Variants in SIM2 observed in about 807,000 individuals in gnomAD.
The protein encoded by SIM2 is single-minded homolog 2.
A neutral mutation model predicts 64.8 loss-of-function variants in SIM2; 28 were observed. The ratio of observed to expected loss-of-function variants is 0.43; its 90% CI spans 0.32 to 0.59. The LOEUF is 0.59. Among genes scored for constraint, SIM2 ranks in the 20% least tolerant of loss-of-function variants. SIM2 has a pLI of 0.07. For synonymous variants in SIM2, 408 were observed against 391.1 expected (o/e 1.04, Z -0.51); for missense variants, 847 against 871.4 (o/e 0.97, Z 0.35).
intron 2 of SIM2, 40 bp from the exon 3 acceptor site, chr21:36,712,493 A>G (rs149184222): frequency 5.2e-6 from 7 of 1,350,078 alleles, no homozygotes; most frequent in Non-Finnish European, 7.4e-6. Flanking sequence ...ACTCTAATGT[A>G]GAATGATCAT....
intron 1 of SIM2, among the ~76,000 whole-genome samples, chr21:36,700,239 C>G (rs980116955): frequency 6.6e-6 from 1 of 152,042 alleles, no homozygotes; most frequent in Non-Finnish European, 1.5e-5. Flanking sequence ...TCTCCCTTTC[C>G]TCCTTCCTTC....
chr21:36,704,214 G>A (rs980663347), intron 1 of SIM2, among the ~76,000 whole-genome samples: 1 of 152,188 alleles, frequency 6.6e-6, no homozygotes, highest in Non-Finnish European at 1.5e-5. Context: ...ACCACGAGAA[G>A]CCAGGTTATC....
At chr21:36,734,881 C>A (rs1461238812) in intron 7 of SIM2, among the ~76,000 whole-genome samples, 6 of 152,172 alleles carry the variant, frequency 3.9e-5, no homozygotes, top group Non-Finnish European at 8.8e-5. Flanking sequence ...CCTGTTCCTG[C>A]CTCTCCATCC....
chr21:36,738,611 G>C (rs972027296), intron 7 of SIM2, among the ~76,000 whole-genome samples: 8 of 152,202 alleles, frequency 5.3e-5, no homozygotes. Flanking sequence ...CTGCCACTTT[G>C]AGGACACCTG....
At chr21:36,714,026 A>G (rs187189059) in intron 3 of SIM2, among the ~76,000 whole-genome samples, 226 of 152,300 alleles carry the variant, frequency 1.5e-3, no homozygotes, top group African/African-American at 5.2e-3. Context: ...GAAATTTACT[A>G]TTTTCCATAA....
chr21:36,706,865 A>G (rs1699329151), intron 1 of SIM2, among the ~76,000 whole-genome samples: 1 of 152,258 alleles, frequency 6.6e-6, no homozygotes, highest in Non-Finnish European at 1.5e-5. Context: ...CAGAAAAACT[A>G]TAATGATCTA....
chr21:36,714,536 ATTTC>A (rs1049421900), intron 3 of SIM2, among the ~76,000 whole-genome samples: 2 of 152,166 alleles, frequency 1.3e-5, no homozygotes, highest in Non-Finnish European at 2.9e-5. Context: ...CAAAATGCCT[ATTTC>A]ATGTGATTTA....
intron 3 of SIM2, among the ~76,000 whole-genome samples, chr21:36,713,832 G>A (rs1441910681): frequency 1.3e-5 from 2 of 152,140 alleles, no homozygotes; most frequent in Non-Finnish European, 2.9e-5. Flanking sequence ...GTAACTCTGT[G>A]TTTCTCAGGC....
At position 36,699,908 on chromosome 21, in the gene SIM2, C is replaced by A; in HGVS notation, c.162C>A (p.Ala54=). ...CCACGAGCTACCTGAAGATGCGCGC[C>A]GTCTTCCCCGAAGGTGAGGCCTCAG... ...RLTTSYLKMR[A]VFPEGLGDAW... is the part of the protein sequence containing the mutation. Residue 54 remains alanine (A), a synonymous_variant, in exon 1 of 11, where the codon GCC becomes GCA. Coordinates refer to ENST00000290399, the MANE Select transcript of SIM2 (RefSeq NM_005069.6). This position sits in a 1 kb window ranked among gnomAD's most constrained non-coding sequence, Gnocchi z 5.6. The A allele has an allele frequency of 6.2e-7, 1 of 1,601,944 alleles. No homozygotes were observed. Among genetic ancestry groups the A allele is most frequent in the Non-Finnish European group, 8.5e-7 (1 of 1,174,534 alleles).
At chr21:36,715,939 G>A (rs2088741061) in intron 3 of SIM2, among the ~76,000 whole-genome samples, 1 of 152,044 alleles carries the variant, frequency 6.6e-6, no homozygotes, top group Non-Finnish European at 1.5e-5. Context: ...ACAAGTGATT[G>A]TTGCTGCCAA....
rs970862090 is a variant in SIM2 at position 36,745,682 on chromosome 21, T to C, written c.1576+546T>C. The C allele has an allele frequency of 1.2e-5, 15 of 1,205,544 alleles. No individual in the cohort carries two copies. The African/African-American group carries it at 1.9e-4, about 15-fold the overall frequency. 74.7% of individuals were successfully genotyped at this position (1,205,544 alleles called of 1,614,324 possible). A position where few individuals can be genotyped will look rare whatever the true frequency, so the allele number is the denominator to read the frequency against. The stretch of plus-strand genomic sequence containing the variant: ...GGCCTCAGTTTCTTCACCTGTAAAA[T>C]GGGGTGAAGCTGTGATGTGCCTACT... On this transcript the variant is annotated intron_variant, in intron 10 of 10. Transcript: ENST00000290399. This position sits in a 1 kb window ranked among gnomAD's most constrained non-coding sequence, Gnocchi z 4.8.
chr21:36,725,701 C>T (rs528625285), intron 5 of SIM2, among the ~76,000 whole-genome samples: 1 of 152,256 alleles, frequency 6.6e-6, no homozygotes, highest in East Asian at 1.9e-4. Flanking sequence ...CTCACTGCAA[C>T]CCCCGCCTCC....
Position 36,744,943 on chromosome 21 carries a change from G to A in SIM2, c.1383G>A (p.Leu461=), listed in dbSNP as rs1266347960. Residue 461 remains leucine (L), a synonymous_variant, in exon 10 of 11, where the codon TTG becomes TTA. Transcript: ENST00000290399. The part of the protein sequence containing the change: ...SHVFSSKKPM[L]PAKFGQPQGS... ...TCTTCAGCAGCAAAAAGCCAATGTT[G>A]CCGGCCAAGTTCGGGCAGCCCCAAG... 1 of 1,614,232 alleles carries A rather than the reference G, an allele frequency of 6.2e-7. No individual in the cohort carries two copies. Among genetic ancestry groups the A allele is most frequent in the Non-Finnish European group, 8.5e-7 (1 of 1,180,050 alleles).
At chr21:36,739,704 A>G (rs1237840710) in intron 7 of SIM2, among the ~76,000 whole-genome samples, 1 of 152,058 alleles carries the variant, frequency 6.6e-6, no homozygotes, top group Non-Finnish European at 1.5e-5. Flanking sequence ...CCACCAACTC[A>G]TCCTTCCATC....
In SIM2 at chr21:36,719,868, C is replaced by T. The variant is rs770143168; in HGVS notation, c.396C>T (p.Asp132=). ...TTTATGAATACATCCATCCTTCTGACCACGATGAGATGACCGCTGTCCTCA... is the reference window on the plus strand; with the variant it reads ...TTTATGAATACATCCATCCTTCTGATCACGATGAGATGACCGCTGTCCTCA... The part of the protein sequence containing the change: ...NSIYEYIHPS[D]HDEMTAVLTA... Residue 132 remains aspartate, a synonymous_variant, in exon 4 of 11, where the codon GAC becomes GAT. Coordinates refer to ENST00000290399, the MANE Select transcript of SIM2 (RefSeq NM_005069.6). 7 of 1,613,496 alleles carry T rather than the reference C, an allele frequency of 4.3e-6. No homozygotes were observed. The highest frequency in any genetic ancestry group is 3.4e-6 in the Non-Finnish European group (4 of 1,179,546).
intron 3 of SIM2, among the ~76,000 whole-genome samples, chr21:36,716,082 C>A (rs562701077): frequency 4.5e-4 from 69 of 152,288 alleles, no homozygotes; most frequent in Non-Finnish European, 2.8e-4. Flanking sequence ...CACTCGCACA[C>A]GTGTCCACAC....
In SIM2 at chr21:36,725,814, T is replaced by A. The variant is rs117851930; in HGVS notation, c.544-305T>A. Among the ~76,000 whole-genome samples the A allele has an allele frequency of 9.5e-4, 145 of 152,156 alleles. 1 individual carries two copies. The East Asian group carries it at 0.023, about 24-fold the overall frequency. ...TTTTGTATTTTTTGTAGAGAAGGGG[T>A]TTCGCCATGTCACCAAGGCTGGTCT... On this transcript the variant is annotated intron_variant, in intron 5 of 10. Transcript: ENST00000290399.
rs2089310186 is a variant in SIM2, at chr21:36,749,696, T to C, written c.*1604T>C. On this transcript the variant is annotated 3_prime_UTR_variant, in exon 11 of 11. Coordinates refer to ENST00000290399, the MANE Select transcript of SIM2 (RefSeq NM_005069.6). The stretch of plus-strand genomic sequence containing the variant: ...ATAAGCCGAGGGTATTATTTTTTTA[T>C]GTTCATGAGTCTTGTAATTAAACCG... 1 of 152,218 alleles carries C rather than the reference T, an allele frequency of 6.6e-6. No homozygotes were observed. 9.4% of individuals were successfully genotyped at this position (152,218 alleles called of 1,614,324 possible).
rs2123468765 is a variant in SIM2 at position 36,728,378 on chromosome 21, T to TTGCC, written c.743+2063_743+2066dup. ...GGCTTTTCAAGCCGTTCAATCCACA[T>TTGCC]TGCCTGGAAAGGCAGCCAAGGGTAG... On this transcript the variant is annotated intron_variant, in intron 6 of 10. Coordinates refer to ENST00000290399, the MANE Select transcript of SIM2 (RefSeq NM_005069.6). 1.3e-5 allele frequency among the ~76,000 whole-genome samples: 2 copies of TTGCC among 152,256 alleles called. 1 individual carries two copies. Among genetic ancestry groups the TTGCC allele is most frequent in the South Asian group, 4.1e-4 (2 of 4,828 alleles).
Sources: allele counts gnomAD v4.1 joint callset (sites outside exome capture counted in the v4.1 genomes callset), GRCh38; gene constraint gnomAD v4.1.1; non-coding constraint Gnocchi (gnomAD v3.1); transcripts MANE v1.5; gene names NCBI Gene and HGNC (gene_info 2026-07-23, HGNC 2026-07-21).